Variants in PCDHA2 observed in about 807,000 individuals in gnomAD.
PCDHA2 encodes the protein protocadherin alpha 2.
A neutral mutation model predicts 66.0 loss-of-function variants in PCDHA2; 58 were observed. The observed-to-expected ratio is 0.88, with a 90% CI of 0.71 to 1.09. PCDHA2 has a LOEUF of 1.09. Among genes scored for constraint, PCDHA2 ranks in the 50% least tolerant of loss-of-function variants. The pLI, the probability that PCDHA2 is intolerant of heterozygous loss-of-function variation, is 0.00. For synonymous variants in PCDHA2, 634 were observed against 554.0 expected, an observed-to-expected ratio of 1.14 and a Z score of -2.03; for missense variants, 1,267 against 1,242.3, an observed-to-expected ratio of 1.02 and a Z score of -0.30.
intron 1 of PCDHA2, among the ~76,000 whole-genome samples, chr5:140,840,315 T>C (rs2150305652): frequency 5.9e-5 from 9 of 152,012 alleles, no homozygotes; most frequent in Non-Finnish European, 1.2e-4. Context: ...TTAACTTTGG[T>C]CGACTCATTT....
At chr5:140,990,668 G>A (rs1554251661) in intron 3 of PCDHA2, among the ~76,000 whole-genome samples, 1 of 152,178 alleles carries the variant, frequency 6.6e-6, no homozygotes, top group African/African-American at 2.4e-5. Flanking sequence ...TACATTAGAT[G>A]CACACCAAGC....
chr5:140,978,680 T>C (rs2096816388), intron 1 of PCDHA2, among the ~76,000 whole-genome samples: 1 of 152,240 alleles, frequency 6.6e-6, no homozygotes, highest in Non-Finnish European at 1.5e-5. Context: ...CAGACATGTA[T>C]TGGGCAAGGC....
intron 1 of PCDHA2, chr5:140,828,035 G>A: frequency 3.3e-6 from 5 of 1,537,082 alleles, no homozygotes; most frequent in Non-Finnish European, 4.4e-6. Context: ...GGAACATACA[G>A]TATTTTATCT....
At chr5:140,853,910 T>G (rs2042903621) in intron 1 of PCDHA2, 1 of 948,962 alleles carries the variant, frequency 1.1e-6, no homozygotes, top group Non-Finnish European at 1.3e-6. Context: ...GCCTGACACC[T>G]GCAATCCCAA....
At chr5:140,948,665 A>T (rs2094288381) in intron 1 of PCDHA2, among the ~76,000 whole-genome samples, 1 of 151,668 alleles carries the variant, frequency 6.6e-6, no homozygotes. Flanking sequence ...ATCTGTAGTG[A>T]TAACATCTTT....
chr5:140,990,758 C>G (rs1432023166), intron 3 of PCDHA2, among the ~76,000 whole-genome samples: 1 of 152,162 alleles, frequency 6.6e-6, no homozygotes, highest in African/African-American at 2.4e-5. Flanking sequence ...ACCTTTGAGC[C>G]TGTAAATTTG....
At chr5:140,933,480 G>C (rs1255769578) in intron 1 of PCDHA2, among the ~76,000 whole-genome samples, 1 of 151,846 alleles carries the variant, frequency 6.6e-6, no homozygotes, top group South Asian at 2.1e-4. Flanking sequence ...ACACATTATG[G>C]TTATTCTTTA....
intron 1 of PCDHA2, chr5:140,882,343 G>A: frequency 6.2e-7 from 1 of 1,614,198 alleles, no homozygotes; most frequent in Non-Finnish European, 8.5e-7. Context: ...CAGCCTGGGA[G>A]ACGGGTAGTG....
chr5:140,928,889 A>T, intron 1 of PCDHA2: 2 of 1,614,118 alleles, frequency 1.2e-6, no homozygotes, highest in Non-Finnish European at 1.7e-6. Flanking sequence ...TTACTTCCAG[A>T]CTTTGAAGAT....
intron 1 of PCDHA2, chr5:140,825,365 TAAATATCTA>T (rs1226822956): frequency 1.4e-5 from 2 of 147,138 alleles, no homozygotes; most frequent in African/African-American, 5.0e-5. Context: ...ATTAGATATA[TAAATATCTA>T]AAATATCTAA....
intron 1 of PCDHA2, among the ~76,000 whole-genome samples, chr5:140,899,817 T>C (rs1360189018): frequency 6.6e-6 from 1 of 152,178 alleles, no homozygotes; most frequent in East Asian, 1.9e-4. Flanking sequence ...TTGTTTTGTT[T>C]TTCCTTTTTG....
intron 1 of PCDHA2, chr5:140,802,057 C>T: frequency 6.2e-7 from 1 of 1,614,138 alleles, no homozygotes; most frequent in Non-Finnish European, 8.5e-7. Context: ...GACATGTCAG[C>T]AGATATTCTG....
chr5:140,871,748 A>T (rs1298018715), intron 1 of PCDHA2: 3 of 637,032 alleles, frequency 4.7e-6, no homozygotes, highest in Non-Finnish European at 7.7e-6. Flanking sequence ...TCCTAAAAGA[A>T]ATGAGATGCA....
chr5:140,903,275 T>G (rs1313552617), intron 1 of PCDHA2, among the ~76,000 whole-genome samples: 1 of 152,210 alleles, frequency 6.6e-6, no homozygotes, highest in East Asian at 1.9e-4. Context: ...TGAGGTAGTG[T>G]CTCATTGTGC....
chr5:141,004,933 AAAAT>A (rs1336216932), intron 3 of PCDHA2, among the ~76,000 whole-genome samples: 1 of 152,198 alleles, frequency 6.6e-6, no homozygotes, highest in Non-Finnish European at 1.5e-5. Flanking sequence ...AAGAGAGAAG[AAAAT>A]TTCTTACCCT....
intron 1 of PCDHA2, chr5:140,807,099 G>A: frequency 7.1e-7 from 1 of 1,404,378 alleles, no homozygotes; most frequent in Non-Finnish European, 9.8e-7. Flanking sequence ...AAATATGGAG[G>A]ATGCAGCTGC....
intron 1 of PCDHA2, chr5:140,823,223 C>T (rs1367836220): frequency 1.2e-6 from 2 of 1,613,672 alleles, no homozygotes; most frequent in Non-Finnish European, 8.5e-7. Context: ...GACGCGGACG[C>T]GCAGGAGAAC....
chr5:140,961,247 C>T (rs527974851), intron 1 of PCDHA2, among the ~76,000 whole-genome samples: 6 of 152,070 alleles, frequency 3.9e-5, no homozygotes, highest in East Asian at 1.9e-4. Flanking sequence ...GGAATTTATC[C>T]GAAGCTCCAG....
At position 140,858,002 on chromosome 5, in the gene PCDHA2, G is replaced by A. The variant is rs782820218; in HGVS notation, c.2388+60650G>A. On this transcript the variant is annotated intron_variant, in intron 1 of 3. Transcript: ENST00000526136. The stretch of plus-strand genomic sequence containing the variant: ...CCAGCGCCTACTGGTGCTGGTGAAG[G>A]ACCATGGCGAGCCGTCGCTGACGGC... 1.9e-6 allele frequency: 3 copies of A among 1,596,800 alleles called. No homozygotes were observed. The Admixed American group carries it at 5.1e-5, about 27-fold the overall frequency.
Sources: allele counts gnomAD v4.1 joint callset (sites outside exome capture counted in the v4.1 genomes callset), GRCh38; gene constraint gnomAD v4.1.1; transcripts MANE v1.5; gene names NCBI Gene and HGNC (gene_info 2026-07-23, HGNC 2026-07-21).